EPHB4: variants seen among roughly 807,000 people sequenced by gnomAD.
The protein encoded by EPHB4 is ephrin type-B receptor 4.
EPHB4 carries 50 observed loss-of-function variants against 110.6 expected under a neutral mutation model. The ratio of observed to expected loss-of-function variants is 0.45; its 90% CI spans 0.36 to 0.57. The LOEUF is 0.57. Among genes scored for constraint, EPHB4 ranks in the 20% least tolerant of loss-of-function variants. The pLI, the probability that EPHB4 is intolerant of heterozygous loss-of-function variation, is 0.00. For missense variants in EPHB4, 1,128 were observed against 1,382.1 expected, an observed-to-expected ratio of 0.82 and a Z score of 2.91; for synonymous variants, 592 against 578.4, an observed-to-expected ratio of 1.02 and a Z score of -0.34.
chr7:100,805,311 GGT>G lies in EPHB4; in HGVS notation c.2687_2688del (p.His896ProfsTer49). 1 of 1,613,842 alleles carries G rather than the reference GGT, an allele frequency of 6.2e-7. No homozygotes were observed. The highest frequency in any genetic ancestry group is 8.5e-7 in the Non-Finnish European group (1 of 1,179,892). Reference protein sequence around the residue: ...IVARENGGASHPLLDQRQPHY... With the variant: ...IVARENGGASXPLLDQRQPHY... The stretch of plus-strand genomic sequence containing the variant: ...TGAGGCTGCCGCTGGTCCAGGAGAG[GGT>G]GTGAGGCCCTAGGGGGCAAGGATGG... On this transcript the variant is annotated frameshift_variant, in exon 16 of 17. Transcript: ENST00000358173. LOFTEE classifies it high-confidence loss of function.
In EPHB4 at chr7:100,824,245, A is replaced by T; in HGVS notation, c.81T>A (p.Thr27=). The T allele has an allele frequency of 1.2e-6, 2 of 1,613,432 alleles. No homozygotes were observed. Among genetic ancestry groups the T allele is most frequent in the Middle Eastern group, 1.7e-4 (1 of 6,060 alleles). The part of the protein sequence containing the change: ...EETLLNTKLE[T]ADLKWVTFPQ... ...GGAATGTCACCCACTTCAGATCAGC[A>T]GTTTCCAATTTTGTGTTCAGCAGGG... The change falls in exon 2 of 17, where the codon ACT becomes ACA. Residue 27 remains threonine (T), a synonymous_variant. Coordinates refer to ENST00000358173, the MANE Select transcript of EPHB4 (RefSeq NM_004444.5).
chr7:100,824,288 G>A lies in EPHB4; in HGVS notation c.53-15C>T. ...CAGCAGGGTCTCTGAGACAGACAGA[G>A]AGACAGAGTCAGTGCCTGGGGTGGG... On this transcript the variant is annotated splice_polypyrimidine_tract_variant and intron_variant, in intron 1 of 16. Transcript: ENST00000358173. 5.0e-6 allele frequency: 8 copies of A among 1,613,922 alleles called. No homozygotes were observed. The highest frequency in any genetic ancestry group is 5.9e-6 in the Non-Finnish European group (7 of 1,179,882).
intron 8 of EPHB4, among the ~76,000 whole-genome samples, chr7:100,815,105 G>T (rs555440226): frequency 6.6e-6 from 1 of 151,954 alleles, no homozygotes; most frequent in Non-Finnish European, 1.5e-5. Context: ...GATTGCCTGA[G>T]CTCAGGAGTT....
intron 10 of EPHB4, 194 bp downstream of exon 10, chr7:100,813,458 G>A (rs1327423746): frequency 1.1e-5 from 8 of 701,260 alleles, no homozygotes; most frequent in Non-Finnish European, 1.9e-5. Context: ...TGGGATTACA[G>A]GTGCCCACCA....
chr7:100,822,999 C>T lies in EPHB4; in HGVS notation c.412-332G>A, dbSNP rs1813275443. Among the ~76,000 whole-genome samples the T allele has an allele frequency of 6.6e-6, 1 of 152,080 alleles. No individual in the cohort carries two copies. Among genetic ancestry groups the T allele is most frequent in the African/African-American group, 2.4e-5 (1 of 41,414 alleles). On this transcript the variant is annotated intron_variant, in intron 3 of 16. Coordinates refer to ENST00000358173, the MANE Select transcript of EPHB4 (RefSeq NM_004444.5). The surrounding 1 kb of genome is among the most constrained non-coding windows in gnomAD (Gnocchi z 4.7). ...GAATCCTGGGGAAGTTATAAAGTAC[C>T]ATGAGGCCGGGCGTAGTGCCTCATG...
At chr7:100,814,892 G>A (rs1407165290) in intron 8 of EPHB4, among the ~76,000 whole-genome samples, 1 of 151,988 alleles carries the variant, frequency 6.6e-6, no homozygotes, top group Non-Finnish European at 1.5e-5. Flanking sequence ...TGGTGAGCAC[G>A]TGTGGTCCCA....
intron 4 of EPHB4, among the ~76,000 whole-genome samples, chr7:100,821,864 G>A (rs1366859715): frequency 1.3e-5 from 2 of 151,504 alleles, no homozygotes; most frequent in African/African-American, 4.8e-5. Flanking sequence ...TGAAAATAAA[G>A]TCTTTTTTTT....
In EPHB4 at chr7:100,803,786, G is replaced by C. The variant is rs78069730; in HGVS notation, c.2835-196C>G. ...GCCATCCTTCTGTGCAACCGCAGAA[G>C]GGGGTAGGGCTGGAGGCCAGAGGCA... On this transcript the variant is annotated intron_variant, in intron 16 of 16. Coordinates refer to ENST00000358173, the MANE Select transcript of EPHB4 (RefSeq NM_004444.5). 0.018 allele frequency among the ~76,000 whole-genome samples: 2,769 copies of C among 152,314 alleles called. 81 individuals carry two copies. The highest frequency in any genetic ancestry group is 0.063 in the African/African-American group (2,617 of 41,564).
At chr7:100,818,335 C>T (rs1246205560) in intron 7 of EPHB4, among the ~76,000 whole-genome samples, 185 bp downstream of exon 7, 1 of 152,176 alleles carries the variant, frequency 6.6e-6, no homozygotes, top group Non-Finnish European at 1.5e-5. Flanking sequence ...GTAACTATTA[C>T]AGTAACTATT....
chr7:100,811,174 C>T (rs912247551), intron 12 of EPHB4, among the ~76,000 whole-genome samples: 1 of 151,916 alleles, frequency 6.6e-6, no homozygotes, highest in East Asian at 1.9e-4. Flanking sequence ...ATCACTTGAA[C>T]CCAGGAGGTG....
intron 8 of EPHB4, among the ~76,000 whole-genome samples, chr7:100,814,603 G>A (rs937924506): frequency 2.0e-5 from 3 of 152,182 alleles, no homozygotes; most frequent in African/African-American, 7.2e-5. Flanking sequence ...TTCTAAAGGT[G>A]AAACATTTTC....
chr7:100,805,174 G>C lies in EPHB4; in HGVS notation c.2826C>G (p.Ile942Met). ...GFGSFELVSQISAEDLLRIGV... is the reference protein window; with the variant it reads ...GFGSFELVSQMSAEDLLRIGV... ...CTCCTGCCACTGCTTACTCAGCAGA[G>C]ATCTGGCTGACCAGCTCGAAGGAGC... Residue 942 changes from isoleucine to methionine, a missense_variant, in exon 16 of 17, where the codon ATC becomes ATG. Physicochemically the swap from Ile to Met is conservative, Grantham distance 10 (BLOSUM62 1). Around this residue, in one of 3 missense-constraint regions of EPHB4, gnomAD observed 209 missense variants for 240.5 expected, o/e 0.87. Transcript: ENST00000358173. 2 of 1,612,736 alleles carry C rather than the reference G, an allele frequency of 1.2e-6. No individual in the cohort carries two copies. Among genetic ancestry groups the C allele is most frequent in the Non-Finnish European group, 1.7e-6 (2 of 1,179,462 alleles).
At chr7:100,826,852 G>C (rs763916553) in intron 1 of EPHB4, 127 bp downstream of exon 1, 84 of 909,010 alleles carry the variant, frequency 9.2e-5, no homozygotes, top group Non-Finnish European at 1.2e-4. Flanking sequence ...CTATCGGTCC[G>C]AAGTGTTTGG....
rs1384095247 is a variant in EPHB4, at chr7:100,805,248, C to T, written c.2752G>A (p.Ala918Thr). The part of the protein sequence containing the change: ...AFGSVGEWLR[A>T]IKMGRYEESF... ...TCTTCGTATCTTCCCATTTTGATGG[C>T]CCGAAGCCACTCGCCCACAGAGCCA... The change falls in exon 16 of 17, where the codon GCC becomes ACC. Residue 918 changes from alanine to threonine, a missense_variant. Physicochemically the swap from Ala to Thr is moderately conservative, Grantham distance 58 (BLOSUM62 0). This residue lies in a region of EPHB4 where 209 missense variants were observed against 240.5 expected (regional missense o/e 0.87). Coordinates refer to ENST00000358173, the MANE Select transcript of EPHB4 (RefSeq NM_004444.5). The T allele has an allele frequency of 6.2e-7, 1 of 1,613,600 alleles. No homozygotes were observed. Among genetic ancestry groups the T allele is most frequent in the Middle Eastern group, 1.7e-4 (1 of 6,060 alleles).
At chr7:100,810,567 C>T (rs1325707517) in intron 12 of EPHB4, among the ~76,000 whole-genome samples, 1 of 151,698 alleles carries the variant, frequency 6.6e-6, no homozygotes, top group Non-Finnish European at 1.5e-5. Flanking sequence ...CATAGCGAGA[C>T]CCCCATCTCC....
At position 100,822,300 on chromosome 7, in the gene EPHB4, T is replaced by G; in HGVS notation, c.779A>C (p.Glu260Ala). The G allele has an allele frequency of 6.4e-7, 1 of 1,565,266 alleles. No individual in the cohort carries two copies. The change falls in exon 4 of 17, where the codon GAG becomes GCG. Residue 260 changes from glutamate to alanine, a missense_variant. This residue lies in a region of EPHB4 where 728 missense variants were observed against 828.6 expected (regional missense o/e 0.88). Coordinates refer to ENST00000358173, the MANE Select transcript of EPHB4 (RefSeq NM_004444.5). The surrounding 1 kb of genome is among the most constrained non-coding windows in gnomAD (Gnocchi z 4.7). Reference protein sequence around the residue: ...VTGCSCAPGFEAAEGNTKCRA... With the variant: ...VTGCSCAPGFAAAEGNTKCRA... ...GCACTTGGTGTTCCCCTCAGCTGCC[T>G]CGAACCCCGGAGCACAGCTGCAGCC...
intron 10 of EPHB4, 164 bp downstream of exon 10, chr7:100,813,488 G>A (rs1812995166): frequency 5.2e-6 from 4 of 768,884 alleles, no homozygotes; most frequent in Non-Finnish European, 6.4e-6. Context: ...GCTGACTGAT[G>A]TATTTTTTAT....
At chr7:100,821,603 G>A (rs1263123575) in intron 4 of EPHB4, among the ~76,000 whole-genome samples, 1 of 150,842 alleles carries the variant, frequency 6.6e-6, no homozygotes, top group Non-Finnish European at 1.5e-5. Context: ...ACTCCAGCCT[G>A]GGCGACAGAG....
At position 100,820,446 on chromosome 7, in the gene EPHB4, C is replaced by T. The variant is rs377429815; in HGVS notation, c.809-150G>A. The T allele has an allele frequency of 2.7e-5, 16 of 585,780 alleles. No individual in the cohort carries two copies. In the East Asian group the frequency reaches 4.6e-4, roughly 17 times the overall value. 36.3% of individuals were successfully genotyped at this position (585,780 alleles called of 1,614,324 possible). On this transcript the variant is annotated intron_variant, in intron 4 of 16. Transcript: ENST00000358173. ...AGGGGTTCAAGACCAGCCTGGGCAA[C>T]ATATCGAGATCCCATCTCCAAAAAA...
Sources: gnomAD v4.1 joint callset for allele counts (sites outside exome capture counted in the v4.1 genomes callset) on GRCh38, gnomAD v4.1.1 for gene constraint, gnomAD v4.1.1 regional missense constraint, Gnocchi (gnomAD v3.1) non-coding constraint, MANE v1.5 for transcripts, NCBI Gene and HGNC (gene_info 2026-07-23, HGNC 2026-07-21) for gene names.